Variants in FAAH2 observed in about 807,000 individuals in gnomAD.
FAAH2 encodes fatty-acid amide hydrolase 2.
A neutral mutation model predicts 36.9 loss-of-function variants in FAAH2; 60 were observed. The ratio of observed to expected loss-of-function variants is 1.63; its 90% CI spans 1.32 to 2.02. The LOEUF is 2.02. FAAH2 is among the 30% of genes most tolerant of loss of function. FAAH2 has a pLI of 0.00. For synonymous variants in FAAH2, 214 were observed against 143.8 expected (o/e 1.49, Z -3.49); for missense variants, 689 against 397.5 (o/e 1.73, Z -6.23).
At chrX:57,202,572 A>G in the FAAH2 span, among the ~76,000 whole-genome samples, 1 of 111,863 alleles carries the variant, frequency 8.9e-6, no homozygotes, top group African/African-American at 3.3e-5. Flanking sequence ...TTAGGACTGC[A>G]TGGGGACAGA....
chrX:57,476,991 G>T (rs372260454), intron 10 of FAAH2, among the ~76,000 whole-genome samples: 3 of 111,168 alleles, frequency 2.7e-5, no homozygotes, highest in Middle Eastern at 9.3e-3. Context: ...TTGCATAGAG[G>T]TGTTTACAGT....
At chrX:57,468,385 T>A (rs996643603) in intron 10 of FAAH2, among the ~76,000 whole-genome samples, 4 of 111,204 alleles carry the variant, frequency 3.6e-5, no homozygotes, top group Admixed American at 1.9e-4. Context: ...GAATAACCAG[T>A]GTAGAGAAGT....
At chrX:57,258,481 G>C in the FAAH2 span, among the ~76,000 whole-genome samples, 1 of 110,291 alleles carries the variant, frequency 9.1e-6, no homozygotes, top group African/African-American at 3.3e-5. Context: ...TCACTGTAAA[G>C]GAAACCATCA....
chrX:57,446,830 TA>T, intron 8 of FAAH2, 97 bp from the exon 9 acceptor site: 1 of 501,713 alleles, frequency 2.0e-6, no homozygotes, highest in Non-Finnish European at 3.3e-6. Context: ...ATTTTACTGT[TA>T]TGAATGATTA....
chrX:57,323,968 T>C (rs2146962025), intron 3 of FAAH2, among the ~76,000 whole-genome samples: 1 of 111,490 alleles, frequency 9.0e-6, no homozygotes, highest in South Asian at 3.7e-4. Flanking sequence ...GTTTTTATGG[T>C]TTTAGGTCTA....
chrX:57,465,365 G>A (rs958219742), intron 10 of FAAH2, among the ~76,000 whole-genome samples: 2 of 111,342 alleles, frequency 1.8e-5, no homozygotes, highest in Non-Finnish European at 3.8e-5. Context: ...CTGAAAATGT[G>A]ATGAAGTTAA....
At chrX:57,450,009 G>A (rs2056755368) in intron 10 of FAAH2, among the ~76,000 whole-genome samples, 1 of 111,407 alleles carries the variant, frequency 9.0e-6, no homozygotes, top group Non-Finnish European at 1.9e-5. Context: ...CTAAATTGCT[G>A]CGTTTAAGTT....
At chrX:57,385,348 C>G (rs919313928) in intron 7 of FAAH2, among the ~76,000 whole-genome samples, 2 of 109,486 alleles carry the variant, frequency 1.8e-5, no homozygotes, top group African/African-American at 6.6e-5. Flanking sequence ...CTTTTATATT[C>G]TATCTTTGTT....
rs181575368 is a variant in FAAH2 at position 57,313,367 on chromosome X, C to A, written c.412+2638C>A. ...CAGTCTCGGTGAAGAGGTTGACATG[C>A]AAATCAAAGTGGTACAGATAATGGT... On this transcript the variant is annotated intron_variant, in intron 3 of 10. Transcript: ENST00000374900. Among the ~76,000 whole-genome samples, 254 of 107,995 alleles carry A rather than the reference C, an allele frequency of 2.4e-3. 2 individuals carry two copies. The highest frequency in any genetic ancestry group is 7.9e-3 in the African/African-American group (233 of 29,565). The allele number at this position is 107,995 out of a possible 115,157, so 93.8% of individuals were successfully genotyped here.
chrX:57,385,735 C>T (rs1167978039), intron 7 of FAAH2, among the ~76,000 whole-genome samples: 4 of 111,251 alleles, frequency 3.6e-5, no homozygotes, highest in Non-Finnish European at 7.5e-5. Flanking sequence ...GAAATCCCGT[C>T]TCTACTAAAC....
chrX:57,411,873 C>T (rs1013604309), intron 7 of FAAH2, among the ~76,000 whole-genome samples: 4 of 111,744 alleles, frequency 3.6e-5, no homozygotes, highest in East Asian at 2.8e-4. Context: ...CACCTAGAAT[C>T]GAAAGCTCCC....
At chrX:57,158,938 T>C in the FAAH2 span, among the ~76,000 whole-genome samples, 1 of 112,479 alleles carries the variant, frequency 8.9e-6, no homozygotes, top group Non-Finnish European at 1.9e-5. Flanking sequence ...TCCTGAATGG[T>C]ATTGCCTAGG....
chrX:57,341,337 G>A lies in FAAH2; in HGVS notation c.689G>A (p.Ser230Asn). The change falls in exon 5 of 11, where the codon AGC (serine) becomes AAC (asparagine). Residue 230 changes from serine to asparagine, a missense_variant. Ser to Asn is a conservative substitution (Grantham distance 46, BLOSUM62 1). Transcript: ENST00000374900. ...VIGVGSDIGG[S>N]IRMPAFFNGI... is the part of the protein sequence containing the mutation. ...GGTGTGGGCTCTGATATTGGTGGTA[G>A]CATTCGAATGCCTGCTTTCTTCAAT... 1.7e-6 allele frequency: 2 copies of A among 1,210,192 alleles called. No homozygotes were observed. The highest frequency in any genetic ancestry group is 5.9e-5 in the East Asian group (2 of 33,760).
chrX:57,332,118 A>T (rs997147286), intron 4 of FAAH2, among the ~76,000 whole-genome samples: 1 of 112,534 alleles, frequency 8.9e-6, no homozygotes, highest in Non-Finnish European at 1.9e-5. Context: ...ACTAGAATTG[A>T]CAAGGCTTTT....
chrX:57,220,409 A>G, the FAAH2 span, among the ~76,000 whole-genome samples: 1 of 110,519 alleles, frequency 9.0e-6, no homozygotes, highest in African/African-American at 3.3e-5. Flanking sequence ...TCCACTGCCT[A>G]TTAACTCAAC....
At chrX:57,454,611 A>G (rs2147197901) in intron 10 of FAAH2, among the ~76,000 whole-genome samples, 1 of 112,043 alleles carries the variant, frequency 8.9e-6, no homozygotes, top group East Asian at 2.8e-4. Context: ...GAAAGAACCA[A>G]ATTAAATTTT....
the FAAH2 span, among the ~76,000 whole-genome samples, chrX:57,167,402 A>G: frequency 0.14 from 15,157 of 110,527 alleles, 1,089 homozygotes; most frequent in Non-Finnish European, 0.21. Flanking sequence ...CCAAACAGTA[A>G]TTTTATTTTA....
the FAAH2 span, among the ~76,000 whole-genome samples, chrX:57,234,881 T>C: frequency 9.0e-6 from 1 of 111,541 alleles, no homozygotes; most frequent in African/African-American, 3.3e-5. Context: ...CTACTCAAAA[T>C]ACAAAAATTA....
At chrX:57,222,056 AC>A in the FAAH2 span, among the ~76,000 whole-genome samples, 3 of 110,132 alleles carry the variant, frequency 2.7e-5, no homozygotes, top group African/African-American at 6.6e-5. Flanking sequence ...AAAAATATGC[AC>A]CCCCCTCAGT....
Sources: allele counts gnomAD v4.1 joint callset (sites outside exome capture counted in the v4.1 genomes callset), GRCh38; gene constraint gnomAD v4.1.1; transcripts MANE v1.5; gene names NCBI Gene and HGNC (gene_info 2026-07-23, HGNC 2026-07-21).